TENM3: variants seen among roughly 807,000 people sequenced by gnomAD.
The protein encoded by TENM3 is teneurin-3.
A neutral mutation model predicts 255.1 loss-of-function variants in TENM3; 63 were observed. The observed-to-expected ratio is 0.25, with a 90% CI of 0.20 to 0.30. The LOEUF (loss-of-function observed/expected upper bound fraction) is 0.30, where lower values mean the gene tolerates loss of function less well. Among genes scored for constraint, TENM3 ranks in the 10% least tolerant of loss-of-function variants. The probability of loss-of-function intolerance (pLI) is 1.00; values close to 1 mark genes in which losing one functional copy is unlikely to be tolerated. For missense variants in TENM3, 2,929 were observed against 3,461.1 expected (o/e 0.85, Z 3.86); for synonymous variants, 1,306 against 1,322.3 (o/e 0.99, Z 0.27).
chr4:181,713,610 A>T, the TENM3 span, among the ~76,000 whole-genome samples: 1 of 152,106 alleles, frequency 6.6e-6, no homozygotes, highest in Non-Finnish European at 1.5e-5. Context: ...TGCCCTCGAA[A>T]AGATGTAAAA....
intron 4 of TENM3, among the ~76,000 whole-genome samples, chr4:182,622,356 A>AT (rs1750370701): frequency 6.6e-6 from 1 of 152,222 alleles, no homozygotes; most frequent in Non-Finnish European, 1.5e-5. Flanking sequence ...GCAAAAAAAA[A>AT]GAAAAAGAAT....
At chr4:181,699,462 A>AG in the TENM3 span, among the ~76,000 whole-genome samples, 1 of 147,852 alleles carries the variant, frequency 6.8e-6, no homozygotes, top group Non-Finnish European at 1.5e-5. Flanking sequence ...AAAAAAAAAA[A>AG]AAAAAAAAAA....
chr4:181,834,824 A>G, the TENM3 span: 1 of 152,266 alleles, frequency 6.6e-6, no homozygotes, highest in African/African-American at 2.4e-5. Flanking sequence ...GGAGCTCTAA[A>G]GAAAAGGATG....
At position 182,335,771 on chromosome 4, in the gene TENM3, A is replaced by G. The variant is rs572069792; in HGVS notation, c.233-10880A>G. Among the ~76,000 whole-genome samples, 21 of 152,332 alleles carry G rather than the reference A, an allele frequency of 1.4e-4. No homozygotes were observed. The South Asian group carries it at 4.3e-3, about 32-fold the overall frequency. ...AATCACTACATTGGGAAATATGTTTATAATTCTTATGACATATATAATGTC... is the reference window on the plus strand; with the variant it reads ...AATCACTACATTGGGAAATATGTTTGTAATTCTTATGACATATATAATGTC... On this transcript the variant is annotated intron_variant, in intron 2 of 27. Coordinates refer to ENST00000511685, the MANE Select transcript of TENM3 (RefSeq NM_001080477.4).
At chr4:182,062,732 T>C in the TENM3 span, among the ~76,000 whole-genome samples, 5 of 152,216 alleles carry the variant, frequency 3.3e-5, no homozygotes, top group African/African-American at 1.2e-4. Context: ...CACTTTGGAC[T>C]CCAAGTGGTT....
intron 3 of TENM3, among the ~76,000 whole-genome samples, chr4:182,498,414 G>C (rs895574262): frequency 2.6e-5 from 4 of 152,132 alleles, no homozygotes; most frequent in African/African-American, 9.7e-5. Context: ...TGTTCTCCAT[G>C]TTCAGTTAAT....
chr4:182,496,046 G>C (rs1735743268), intron 3 of TENM3, among the ~76,000 whole-genome samples: 1 of 152,164 alleles, frequency 6.6e-6, no homozygotes, highest in African/African-American at 2.4e-5. Context: ...CTGTAATGAG[G>C]AACTAAGGTA....
chr4:182,200,997 G>C (rs1754153500), intron 1 of TENM3, among the ~76,000 whole-genome samples: 1 of 151,458 alleles, frequency 6.6e-6, no homozygotes, highest in Non-Finnish European at 1.5e-5. Flanking sequence ...GCTAATTTTT[G>C]TATTTTTAGT....
chr4:181,992,125 A>G, the TENM3 span, among the ~76,000 whole-genome samples: 1 of 152,170 alleles, frequency 6.6e-6, no homozygotes, highest in Non-Finnish European at 1.5e-5. Context: ...TTTACCTGAC[A>G]TTTGTGCTTC....
chr4:181,509,758 T>C, the TENM3 span, among the ~76,000 whole-genome samples: 1 of 152,220 alleles, frequency 6.6e-6, no homozygotes, highest in Non-Finnish European at 1.5e-5. Flanking sequence ...TAGAGAAAGT[T>C]GACACAAATT....
At chr4:181,823,435 T>G in the TENM3 span, among the ~76,000 whole-genome samples, 1 of 152,122 alleles carries the variant, frequency 6.6e-6, no homozygotes, top group African/African-American at 2.4e-5. Context: ...GAGATCCTCC[T>G]CCCATCCAAA....
intron 3 of TENM3, among the ~76,000 whole-genome samples, chr4:182,438,667 C>T (rs991050981): frequency 6.6e-6 from 1 of 152,162 alleles, no homozygotes; most frequent in African/African-American, 2.4e-5. Context: ...TACACTTGTA[C>T]CTAACTTTGA....
chr4:182,696,343 C>G (rs951333554), intron 12 of TENM3, among the ~76,000 whole-genome samples: 28 of 152,022 alleles, frequency 1.8e-4, no homozygotes, highest in Admixed American at 1.5e-3. Context: ...TTACAAAAAT[C>G]GTTGTCATAT....
chr4:182,338,942 G>A (rs17073098), intron 2 of TENM3, among the ~76,000 whole-genome samples: 5,383 of 152,180 alleles, frequency 0.035, 211 homozygotes, highest in African/African-American at 0.097. Context: ...GAACTGATCC[G>A]AGACTTCAAA....
chr4:182,403,028 T>C (rs2151037231), intron 3 of TENM3, among the ~76,000 whole-genome samples: 1 of 152,354 alleles, frequency 6.6e-6, no homozygotes, highest in South Asian at 2.1e-4. Flanking sequence ...CAAAATTATT[T>C]TTAGGTTTTT....
chr4:182,364,714 C>T (rs1418416229), intron 3 of TENM3, among the ~76,000 whole-genome samples: 1 of 152,226 alleles, frequency 6.6e-6, no homozygotes, highest in East Asian at 1.9e-4. Flanking sequence ...CCACCGCGCC[C>T]AGCCCCAACT....
intron 3 of TENM3, among the ~76,000 whole-genome samples, chr4:182,447,324 G>T (rs750750800): frequency 6.6e-6 from 1 of 151,842 alleles, no homozygotes; most frequent in Non-Finnish European, 1.5e-5. Flanking sequence ...AGCGGCGTTA[G>T]ATATTTCCAT....
chr4:181,605,487 AAAG>A, the TENM3 span, among the ~76,000 whole-genome samples: 7 of 7,196 alleles, frequency 9.7e-4, no homozygotes, highest in Admixed American at 4.0e-3. Context: ...ACAGAGAAAG[AAAG>A]AAAGAAAGAA....
the TENM3 span, among the ~76,000 whole-genome samples, chr4:181,721,569 CA>C: frequency 2.0e-4 from 8 of 39,174 alleles, no homozygotes; most frequent in East Asian, 1.2e-3. Context: ...CACTGCACTC[CA>C]GCCTGGGCGA....
Sources: gnomAD v4.1 joint callset for allele counts (sites outside exome capture counted in the v4.1 genomes callset) on GRCh38, gnomAD v4.1.1 for gene constraint, MANE v1.5 for transcripts, NCBI Gene and HGNC (gene_info 2026-07-23, HGNC 2026-07-21) for gene names.